NCKAP5: variants seen among roughly 807,000 people sequenced by gnomAD.
NCKAP5 encodes the protein NCK associated protein 5, also known as nck-associated protein 5.
In NCKAP5, 92 loss-of-function variants were observed where a neutral mutation model predicts 167.0. The observed-to-expected ratio is 0.55, with a 90% CI of 0.47 to 0.66. The LOEUF (loss-of-function observed/expected upper bound fraction) is 0.66. Among genes scored for constraint, NCKAP5 ranks in the 30% least tolerant of loss-of-function variants. NCKAP5 has a pLI of 0.00. For synonymous variants in NCKAP5, 891 were observed against 877.4 expected (o/e 1.02, Z -0.27); for missense variants, 2,378 against 2,315.0 (o/e 1.03, Z -0.56).
chr2:133,611,720 T>C, the NCKAP5 span, among the ~76,000 whole-genome samples: 4 of 152,152 alleles, frequency 2.6e-5, no homozygotes, highest in Admixed American at 2.6e-4. Flanking sequence ...CCACAGGCCA[T>C]TGGAAGTCCC....
At chr2:132,886,470 C>T (rs1469161292) in intron 8 of NCKAP5, among the ~76,000 whole-genome samples, 2 of 152,190 alleles carry the variant, frequency 1.3e-5, no homozygotes, top group South Asian at 2.1e-4. Flanking sequence ...ACTCTACAGG[C>T]CTTGTTCAGA....
chr2:133,428,307 C>T (rs1574939297), intron 3 of NCKAP5, among the ~76,000 whole-genome samples: 2 of 152,128 alleles, frequency 1.3e-5, no homozygotes, highest in Admixed American at 6.5e-5. Flanking sequence ...GTGCCAGAAA[C>T]TTAATTATGA....
the NCKAP5 span, among the ~76,000 whole-genome samples, chr2:133,653,049 C>T: frequency 6.6e-6 from 1 of 152,200 alleles, no homozygotes; most frequent in Non-Finnish European, 1.5e-5. Flanking sequence ...TTCCTCACTT[C>T]TCTCTTGCTC....
At chr2:132,679,291 CAGAGGG>C (rs1684893965) in intron 19 of NCKAP5, among the ~76,000 whole-genome samples, 3 of 152,084 alleles carry the variant, frequency 2.0e-5, no homozygotes, top group Admixed American at 2.0e-4. Flanking sequence ...AGTCTGATTC[CAGAGGG>C]AGACTAGGAA....
intron 3 of NCKAP5, among the ~76,000 whole-genome samples, chr2:133,397,906 C>A (rs1054290695): frequency 2.0e-5 from 3 of 152,158 alleles, no homozygotes; most frequent in African/African-American, 7.2e-5. Flanking sequence ...AGGAAGGGAA[C>A]TCTGTGCATT....
At chr2:132,970,084 G>A (rs1235161082) in intron 7 of NCKAP5, among the ~76,000 whole-genome samples, 3 of 152,128 alleles carry the variant, frequency 2.0e-5, no homozygotes, top group Non-Finnish European at 4.4e-5. Flanking sequence ...GAGAAACGTG[G>A]CTATACCCTA....
intron 6 of NCKAP5, among the ~76,000 whole-genome samples, chr2:133,082,561 C>G (rs1044243724): frequency 2.6e-5 from 4 of 152,102 alleles, no homozygotes; most frequent in African/African-American, 9.7e-5. Flanking sequence ...TTGGCTGGTG[C>G]CAGCATTTCC....
At chr2:133,005,472 C>T (rs747946983) in intron 6 of NCKAP5, among the ~76,000 whole-genome samples, 1 of 152,178 alleles carries the variant, frequency 6.6e-6, no homozygotes, top group Non-Finnish European at 1.5e-5. Context: ...GTCTCATGAG[C>T]TCATCTACTC....
At chr2:133,157,369 A>G (rs890739704) in intron 5 of NCKAP5, among the ~76,000 whole-genome samples, 1 of 152,222 alleles carries the variant, frequency 6.6e-6, no homozygotes, top group Admixed American at 6.5e-5. Context: ...GTGAAGAACT[A>G]GTACTTACTG....
chr2:133,380,062 A>G (rs13008748), intron 3 of NCKAP5, among the ~76,000 whole-genome samples: 2 of 152,220 alleles, frequency 1.3e-5, no homozygotes, highest in Non-Finnish European at 2.9e-5. Flanking sequence ...TGTGGAACCT[A>G]AAAGCAAATT....
intron 2 of NCKAP5, among the ~76,000 whole-genome samples, chr2:133,550,646 G>A (rs1305234842): frequency 2.8e-4 from 32 of 112,902 alleles, no homozygotes; most frequent in African/African-American, 1.1e-3. Flanking sequence ...ATATCATACT[G>A]AATGGGCAAA....
At chr2:132,814,103 G>A (rs1686088591) in intron 11 of NCKAP5, among the ~76,000 whole-genome samples, 1 of 152,204 alleles carries the variant, frequency 6.6e-6, no homozygotes, top group East Asian at 1.9e-4. Flanking sequence ...ATCTCTGGCT[G>A]AATGTTCAAT....
intron 6 of NCKAP5, among the ~76,000 whole-genome samples, chr2:133,121,396 A>T (rs1331042347): frequency 6.6e-6 from 1 of 152,184 alleles, no homozygotes; most frequent in Non-Finnish European, 1.5e-5. Flanking sequence ...ATAAGGTCAC[A>T]CTAATAGCTT....
intron 6 of NCKAP5, among the ~76,000 whole-genome samples, chr2:133,032,445 C>T (rs775817898): frequency 3.5e-4 from 54 of 152,282 alleles, no homozygotes; most frequent in Middle Eastern, 6.8e-3. Flanking sequence ...AGCCACAGTA[C>T]AATAGAACAC....
intron 5 of NCKAP5, among the ~76,000 whole-genome samples, chr2:133,197,046 T>C (rs6733114): frequency 0.068 from 10,398 of 152,166 alleles, 1,173 homozygotes; most frequent in African/African-American, 0.23. Flanking sequence ...GACATAGATG[T>C]AATCATGAGA....
chr2:133,439,399 A>G (rs1403933424), intron 3 of NCKAP5, among the ~76,000 whole-genome samples: 1 of 152,198 alleles, frequency 6.6e-6, no homozygotes, highest in Non-Finnish European at 1.5e-5. Context: ...AAGATTAACA[A>G]AGCTTGAAAA....
At chr2:132,770,871 T>A (rs981412810) in intron 16 of NCKAP5, among the ~76,000 whole-genome samples, 1 of 152,206 alleles carries the variant, frequency 6.6e-6, no homozygotes, top group African/African-American at 2.4e-5. Context: ...GACGTCGTAG[T>A]TAAACCATTG....
At chr2:133,454,801 T>C (rs1488063392) in intron 3 of NCKAP5, among the ~76,000 whole-genome samples, 1 of 152,046 alleles carries the variant, frequency 6.6e-6, no homozygotes, top group Non-Finnish European at 1.5e-5. Flanking sequence ...TCAAACTATC[T>C]TACCTACAAT....
At chr2:133,548,844 C>T (rs909292285) in intron 2 of NCKAP5, among the ~76,000 whole-genome samples, 1 of 151,686 alleles carries the variant, frequency 6.6e-6, no homozygotes, top group Non-Finnish European at 1.5e-5. Flanking sequence ...CACCAGCTAA[C>T]ATCATAATGA....
Sources: allele counts gnomAD v4.1 joint callset (sites outside exome capture counted in the v4.1 genomes callset), GRCh38; gene constraint gnomAD v4.1.1; transcripts MANE v1.5; gene names NCBI Gene and HGNC (gene_info 2026-07-23, HGNC 2026-07-21).